The following EDAR variants were observed in gnomAD, a reference collection of about 807,000 sequenced individuals.
EDAR encodes the protein tumor necrosis factor receptor superfamily member EDAR.
In EDAR, 38 loss-of-function variants were observed where a neutral mutation model predicts 51.3. That is an observed-to-expected ratio of 0.74 (90% CI 0.57 to 0.97). EDAR has a LOEUF of 0.97. Ranked by LOEUF, EDAR falls within the 50% of genes least tolerant of loss-of-function variation. The pLI, the probability that EDAR is intolerant of heterozygous loss-of-function variation, is 0.00. For missense variants in EDAR, 528 were observed against 595.0 expected (o/e 0.89, Z 1.17); for synonymous variants, 227 against 242.1 (o/e 0.94, Z 0.58).
At chr2:108,911,810 A>T (rs1444943964) in intron 6 of EDAR, among the ~76,000 whole-genome samples, 4 of 152,088 alleles carry the variant, frequency 2.6e-5, no homozygotes, top group African/African-American at 9.7e-5. Context: ...ATCTCGGGGG[A>T]GGTAGTGCCA....
chr2:108,981,728 C>T (rs1010950188), intron 1 of EDAR, among the ~76,000 whole-genome samples: 1 of 152,202 alleles, frequency 6.6e-6, no homozygotes, highest in African/African-American at 2.4e-5. Context: ...GCTCTCATTT[C>T]TGAACGAGCC....
At chr2:108,926,045 A>G (rs992703010) in intron 4 of EDAR, among the ~76,000 whole-genome samples, 3 of 152,212 alleles carry the variant, frequency 2.0e-5, no homozygotes, top group Non-Finnish European at 4.4e-5. Flanking sequence ...GCTGCATGCA[A>G]CATTTCTAAA....
chr2:108,943,565 G>A (rs1020529975), intron 1 of EDAR, among the ~76,000 whole-genome samples: 10 of 152,212 alleles, frequency 6.6e-5, no homozygotes, highest in African/African-American at 2.2e-4. Context: ...GAATTATCCA[G>A]AACCAGTGTG....
chr2:108,957,810 T>G (rs1697954728), intron 1 of EDAR, among the ~76,000 whole-genome samples: 2 of 152,240 alleles, frequency 1.3e-5, no homozygotes, highest in Non-Finnish European at 2.9e-5. Flanking sequence ...CTCCTCTAAT[T>G]GATGCAGCTG....
chr2:108,964,556 C>T (rs1056245694), intron 1 of EDAR, among the ~76,000 whole-genome samples: 2 of 152,222 alleles, frequency 1.3e-5, no homozygotes, highest in Non-Finnish European at 2.9e-5. Flanking sequence ...AAACCACAGT[C>T]ACCAGTGACT....
chr2:108,930,529 C>T (rs533356234), intron 2 of EDAR, among the ~76,000 whole-genome samples: 48 of 152,270 alleles, frequency 3.2e-4, no homozygotes, highest in African/African-American at 1.1e-3. Flanking sequence ...TCCTCATCAA[C>T]GCACTTGCCA....
At chr2:108,907,474 C>T (rs993703904) in intron 10 of EDAR, among the ~76,000 whole-genome samples, 4 of 151,952 alleles carry the variant, frequency 2.6e-5, no homozygotes, top group South Asian at 2.1e-4. Context: ...AGTGAAACCT[C>T]GTCTCTACTA....
At chr2:108,938,660 A>G (rs962642296) in intron 1 of EDAR, among the ~76,000 whole-genome samples, 1 of 152,232 alleles carries the variant, frequency 6.6e-6, no homozygotes, top group Non-Finnish European at 1.5e-5. Flanking sequence ...AAGTTTTGAA[A>G]AAAAAAATCC....
At chr2:108,974,125 C>T (rs1383410213) in intron 1 of EDAR, among the ~76,000 whole-genome samples, 6 of 147,092 alleles carry the variant, frequency 4.1e-5, no homozygotes, top group South Asian at 2.2e-4. Flanking sequence ...GTCAGGAGAT[C>T]GAGACCATCC....
intron 8 of EDAR, 61 bp downstream of exon 8, chr2:108,910,715 A>G (rs1011885862): frequency 1.9e-6 from 3 of 1,580,688 alleles, no homozygotes; most frequent in African/African-American, 1.3e-5. Flanking sequence ...GCTTCTGGGA[A>G]CGCCCTCCAC....
chr2:108,983,987 G>C (rs577664439), intron 1 of EDAR, among the ~76,000 whole-genome samples: 14 of 152,340 alleles, frequency 9.2e-5, no homozygotes, highest in African/African-American at 2.9e-4. Context: ...GGGCTGCAAG[G>C]GGGGCGACGG....
chr2:108,925,053 C>T, intron 4 of EDAR, among the ~76,000 whole-genome samples: 1 of 152,190 alleles, frequency 6.6e-6, no homozygotes, highest in Middle Eastern at 3.2e-3. Context: ...CTCACTCTAC[C>T]TCCACGCATT....
At position 108,986,477 on chromosome 2, in the gene EDAR, G is replaced by A. The variant is rs180832031; in HGVS notation, c.-19+2483C>T. On this transcript the variant is annotated intron_variant, in intron 1 of 11. Transcript: ENST00000258443. ...GGGGGCAAATGTGTCAGTGTTGGAG[G>A]CAGAGGACACAGGTTCTAGTCTCAG... Among the ~76,000 whole-genome samples, 459 of 152,248 alleles carry A rather than the reference G, an allele frequency of 3.0e-3. 3 individuals carry two copies. Among genetic ancestry groups the A allele is most frequent in the Middle Eastern group, 0.014 (4 of 294 alleles).
chr2:108,918,014 T>G (rs1254850383), intron 5 of EDAR, among the ~76,000 whole-genome samples: 1 of 151,930 alleles, frequency 6.6e-6, no homozygotes, highest in African/African-American at 2.4e-5. Flanking sequence ...CAAGTATGCA[T>G]TTTTATATTA....
chr2:108,915,448 T>C (rs758712589), intron 5 of EDAR, among the ~76,000 whole-genome samples: 1 of 152,220 alleles, frequency 6.6e-6, no homozygotes, highest in Non-Finnish European at 1.5e-5. Context: ...TCATAGGGTA[T>C]GTAAGAAACA....
rs997416738 is a variant in EDAR, at chr2:108,967,991, G to T, written c.-19+20969C>A. On this transcript the variant is annotated intron_variant, in intron 1 of 11. Coordinates refer to ENST00000258443, the MANE Select transcript of EDAR (RefSeq NM_022336.4). ...AAAACAGCTCATGCACACAGAACAGGACGCGTGGAGAGATCATAGAGAGAT... is the reference window on the plus strand; with the variant it reads ...AAAACAGCTCATGCACACAGAACAGTACGCGTGGAGAGATCATAGAGAGAT... Among the ~76,000 whole-genome samples the T allele has an allele frequency of 2.2e-4, 34 of 152,184 alleles. 1 individual carries two copies. Among genetic ancestry groups the T allele is most frequent in the African/African-American group, 7.7e-4 (32 of 41,446 alleles).
chr2:108,935,789 G>T (rs765014191), intron 1 of EDAR, among the ~76,000 whole-genome samples: 2 of 152,166 alleles, frequency 1.3e-5, no homozygotes, highest in Non-Finnish European at 2.9e-5. Flanking sequence ...AGACAGATAG[G>T]GTCCCTGCTC....
chr2:108,962,331 A>G (rs1169481990), intron 1 of EDAR, among the ~76,000 whole-genome samples: 1 of 152,222 alleles, frequency 6.6e-6, no homozygotes, highest in Non-Finnish European at 1.5e-5. Flanking sequence ...GGAGGATTAA[A>G]GAGTTTGGGA....
At chr2:108,967,572 A>G (rs1202196960) in intron 1 of EDAR, among the ~76,000 whole-genome samples, 1 of 152,190 alleles carries the variant, frequency 6.6e-6, no homozygotes. Flanking sequence ...TTTTCTGCCA[A>G]GACGGGGTGG....
Sources: allele counts gnomAD v4.1 joint callset (sites outside exome capture counted in the v4.1 genomes callset), GRCh38; gene constraint gnomAD v4.1.1; transcripts MANE v1.5; gene names NCBI Gene and HGNC (gene_info 2026-07-23, HGNC 2026-07-21).